Variants in CPSF6 observed in about 807,000 individuals in gnomAD.
CPSF6 encodes cleavage and polyadenylation specific factor 6, also known as cleavage and polyadenylation specificity factor subunit 6.
Under a neutral mutation model 56.7 loss-of-function variants are expected in CPSF6, and 10 were observed. The observed-to-expected ratio is 0.18, with a 90% CI of 0.11 to 0.30. The LOEUF (loss-of-function observed/expected upper bound fraction) is 0.30, where lower values mean the gene tolerates loss of function less well. Ranked by LOEUF, CPSF6 falls within the 10% of genes least tolerant of loss-of-function variation. The probability of loss-of-function intolerance (pLI) is 1.00; values close to 1 mark genes in which losing one functional copy is unlikely to be tolerated. For synonymous variants in CPSF6, 248 were observed against 244.8 expected (o/e 1.01, Z -0.12); for missense variants, 419 against 722.9 (o/e 0.58, Z 4.82).
Position 69,269,530 on chromosome 12 carries a change from C to T in CPSF6, c.*22C>T, listed in dbSNP as rs1873148000. Reference sequence around the variant, plus strand: ...ATTACAGCTGAAGGAAGAGGATCACCTTCCAAGACAAAACAGTCTTCATGG... The same window carrying T: ...ATTACAGCTGAAGGAAGAGGATCACTTTCCAAGACAAAACAGTCTTCATGG... On this transcript the variant is annotated 3_prime_UTR_variant, in exon 10 of 10. Transcript: ENST00000435070. The T allele has an allele frequency of 2.2e-6, 1 of 454,122 alleles. No homozygotes were observed. Among genetic ancestry groups the T allele is most frequent in the Non-Finnish European group, 4.4e-6 (1 of 225,592 alleles). The allele number at this position is 454,122 out of a possible 1,614,324, so 28.1% of individuals were successfully genotyped here.
At chr12:69,252,187 G>T (rs1269295069) in intron 2 of CPSF6, 1 of 430,552 alleles carries the variant, frequency 2.3e-6, no homozygotes, top group Non-Finnish European at 4.6e-6. Flanking sequence ...TGATTCTCCT[G>T]TGTCAGCCTC....
At chr12:69,259,200 A>G in intron 6 of CPSF6, 106 bp downstream of exon 6, 1 of 1,343,532 alleles carries the variant, frequency 7.4e-7, no homozygotes, top group East Asian at 2.5e-5. Flanking sequence ...GCCTTCCAAG[A>G]AGATGAGGTG....
intron 7 of CPSF6, among the ~76,000 whole-genome samples, chr12:69,259,756 T>TCA (rs1872665453): frequency 6.6e-6 from 1 of 152,212 alleles, no homozygotes; most frequent in Non-Finnish European, 1.5e-5. Context: ...GGTATAGATT[T>TCA]AAGTCTTACC....
In CPSF6 at chr12:69,269,576, A is replaced by G. The variant is rs1873150186; in HGVS notation, c.*68A>G. The G allele has an allele frequency of 2.3e-6, 1 of 444,222 alleles. No individual in the cohort carries two copies. The highest frequency in any genetic ancestry group is 4.5e-6 in the Non-Finnish European group (1 of 221,124). 27.5% of individuals were successfully genotyped at this position (444,222 alleles called of 1,614,324 possible). On this transcript the variant is annotated 3_prime_UTR_variant, in exon 10 of 10. Coordinates refer to ENST00000435070, the MANE Select transcript of CPSF6 (RefSeq NM_007007.3). ...CATGGGGGAAAAATGACGCTTGTCC[A>G]GCAGTTTGCTTCTTGTGATTGAACT...
intron 1 of CPSF6, among the ~76,000 whole-genome samples, chr12:69,240,806 C>T (rs1871579739): frequency 6.7e-6 from 1 of 149,254 alleles, no homozygotes; most frequent in Non-Finnish European, 1.5e-5. Context: ...TGTTAATGGG[C>T]ATCCTTGCAA....
intron 1 of CPSF6, 80 bp downstream of exon 1, chr12:69,239,786 C>G (rs955739272): frequency 1.5e-5 from 20 of 1,368,102 alleles, no homozygotes; most frequent in African/African-American, 9.3e-5. Flanking sequence ...GCTGCGGCCG[C>G]GAGCCGAAGC....
Position 69,262,546 on chromosome 12 carries a change from A to T in CPSF6, c.1643A>T (p.Tyr548Phe). ...RDRERDRERE[Y>F]RHR Reference sequence around the variant, plus strand: ...CGAGAGCGTGACCGAGAGCGCGAATATCGTCATCGTTAGAAGGTGGGTATT... The same window carrying T: ...CGAGAGCGTGACCGAGAGCGCGAATTTCGTCATCGTTAGAAGGTGGGTATT... Residue 548 changes from tyrosine (Y) to phenylalanine (F), a missense_variant, in exon 9 of 10, where the codon TAT (tyrosine) becomes TTT (phenylalanine). By Grantham distance (22) the Tyr-to-Phe change is conservative (BLOSUM62 3). Coordinates refer to ENST00000435070, the MANE Select transcript of CPSF6 (RefSeq NM_007007.3). 3 of 1,612,898 alleles carry T rather than the reference A, an allele frequency of 1.9e-6. No homozygotes were observed. The highest frequency in any genetic ancestry group is 2.5e-6 in the Non-Finnish European group (3 of 1,179,238).
At chr12:69,266,874 A>G (rs908073046) in intron 9 of CPSF6, among the ~76,000 whole-genome samples, 8 of 152,154 alleles carry the variant, frequency 5.3e-5, no homozygotes, top group African/African-American at 9.6e-5. Context: ...GGTAAGTACT[A>G]TGTACAGAGG....
intron 5 of CPSF6, 86 bp downstream of exon 5, chr12:69,257,991 TTAA>T: frequency 6.5e-7 from 1 of 1,540,590 alleles, no homozygotes; most frequent in Non-Finnish European, 8.9e-7. Flanking sequence ...TAATGCATTA[TTAA>T]TGTGACTTAC....
chr12:69,244,216 C>G (rs1315252212), intron 1 of CPSF6, among the ~76,000 whole-genome samples: 1 of 152,162 alleles, frequency 6.6e-6, no homozygotes, highest in Non-Finnish European at 1.5e-5. Flanking sequence ...TATCCTTATA[C>G]TGTAAACTTA....
chr12:69,272,869 AGTGTGTGTGTGT>A lies in CPSF6; in HGVS notation c.*3378_*3389del, dbSNP rs3051105. The A allele has an allele frequency of 2.7e-4, 41 of 154,228 alleles. No homozygotes were observed. In the South Asian group the frequency reaches 5.8e-3, roughly 22 times the overall value. 9.6% of individuals were successfully genotyped at this position (154,228 alleles called of 1,614,324 possible). Reference sequence around the variant, plus strand: ...AAGCATTCTATTTTTCTGTTCTTACAGTGTGTGTGTGTGTGTGTGTGTGTGTGTATGCGTTTT... The same window carrying A: ...AAGCATTCTATTTTTCTGTTCTTACAGTGTGTGTGTGTGTGTATGCGTTTT... On this transcript the variant is annotated 3_prime_UTR_variant, in exon 10 of 10. Transcript: ENST00000435070.
chr12:69,253,793 T>C (rs1872368623), intron 3 of CPSF6, among the ~76,000 whole-genome samples: 1 of 152,190 alleles, frequency 6.6e-6, no homozygotes. Context: ...GCATCATACC[T>C]GGTATGCTAC....
chr12:69,256,914 G>A, intron 4 of CPSF6, 72 bp downstream of exon 4: 1 of 1,324,096 alleles, frequency 7.6e-7, no homozygotes, highest in Non-Finnish European at 1.0e-6. Context: ...TGTTATACTA[G>A]AGAAGTCATC....
At chr12:69,262,618 C>T (rs2120603946) in intron 9 of CPSF6, 56 bp downstream of exon 9, 5 of 1,532,456 alleles carry the variant, frequency 3.3e-6, no homozygotes, top group Middle Eastern at 3.4e-4. Context: ...GTAACTATAA[C>T]TCCAAGGCTA....
At chr12:69,249,908 G>T (rs1328346661) in intron 1 of CPSF6, among the ~76,000 whole-genome samples, 1 of 151,854 alleles carries the variant, frequency 6.6e-6, no homozygotes, top group African/African-American at 2.4e-5. Flanking sequence ...CTTTAATTCT[G>T]CTGGTGACAG....
chr12:69,239,856 C>T (rs1265820011), intron 1 of CPSF6, 150 bp downstream of exon 1: 1 of 618,302 alleles, frequency 1.6e-6, no homozygotes, highest in East Asian at 4.8e-5. Context: ...TGGCGTGGCG[C>T]CCCCCCGCCC....
intron 1 of CPSF6, 71 bp from the exon 2 acceptor site, chr12:69,251,058 A>AT: frequency 1.4e-6 from 2 of 1,433,952 alleles, no homozygotes; most frequent in East Asian, 2.3e-5. Context: ...AAAAAGTTGA[A>AT]TTTGTATTCA....
intron 1 of CPSF6, among the ~76,000 whole-genome samples, chr12:69,242,701 A>ATGATGT (rs1871689905): frequency 6.6e-6 from 1 of 152,260 alleles, no homozygotes; most frequent in African/African-American, 2.4e-5. Flanking sequence ...TCTGTCTCAC[A>ATGATGT]GTAGCATATC....
At chr12:69,247,463 T>G (rs1211192827) in intron 1 of CPSF6, among the ~76,000 whole-genome samples, 1 of 152,096 alleles carries the variant, frequency 6.6e-6, no homozygotes, top group East Asian at 1.9e-4. Flanking sequence ...CAGATAAGAT[T>G]GGGCAACATT....
Sources: allele counts gnomAD v4.1 joint callset (sites outside exome capture counted in the v4.1 genomes callset), GRCh38; gene constraint gnomAD v4.1.1; transcripts MANE v1.5; gene names NCBI Gene and HGNC (gene_info 2026-07-23, HGNC 2026-07-21).